The following LYN variants were observed in gnomAD, a reference collection of about 807,000 sequenced individuals.
LYN encodes the protein LYN proto-oncogene, Src family tyrosine kinase.
Under a neutral mutation model 65.0 loss-of-function variants are expected in LYN, and 12 were observed. That is an observed-to-expected ratio of 0.18 (90% CI 0.12 to 0.30). LYN has a LOEUF of 0.30. Among genes scored for constraint, LYN ranks in the 10% least tolerant of loss-of-function variants. The probability of loss-of-function intolerance (pLI) is 1.00; values close to 1 mark genes in which losing one functional copy is unlikely to be tolerated. For missense variants in LYN, 380 were observed against 623.2 expected (o/e 0.61, Z 4.16); for synonymous variants, 222 against 221.2 (o/e 1.00, Z -0.03).
intron 1 of LYN, among the ~76,000 whole-genome samples, chr8:55,915,037 C>T (rs1056212147): frequency 1.3e-5 from 2 of 152,172 alleles, no homozygotes; most frequent in Admixed American, 6.5e-5. Flanking sequence ...TAGATTAAAA[C>T]GTTACATTTT....
chr8:55,919,230 G>A (rs1287096462), intron 1 of LYN, among the ~76,000 whole-genome samples: 1 of 152,120 alleles, frequency 6.6e-6, no homozygotes, highest in African/African-American at 2.4e-5. Flanking sequence ...ACATGTGTGA[G>A]AATCTAAACC....
chr8:55,976,197 C>A (rs1051114525), intron 10 of LYN, among the ~76,000 whole-genome samples: 1 of 151,660 alleles, frequency 6.6e-6, no homozygotes, highest in Admixed American at 6.6e-5. Flanking sequence ...CTTGGTGGTG[C>A]GTGCCTGTAA....
rs147901326 is a variant in LYN at position 55,998,583 on chromosome 8, G to A, written c.1204+84G>A. 866 of 1,320,984 alleles carry A rather than the reference G, an allele frequency of 6.6e-4. 2 individuals carry two copies. The highest frequency in any genetic ancestry group is 6.1e-4 in the Non-Finnish European group (571 of 932,304). 81.8% of individuals were successfully genotyped at this position (1,320,984 alleles called of 1,614,324 possible). A position where few individuals can be genotyped will look rare whatever the true frequency, so the allele number is the denominator to read the frequency against. The stretch of plus-strand genomic sequence containing the variant: ...TGTTTTTGACAAAGCAATTACAATA[G>A]TCACCATTAAGAAAAACTTATTTGG... On this transcript the variant is annotated intron_variant, in intron 11 of 12. Coordinates refer to ENST00000519728, the MANE Select transcript of LYN (RefSeq NM_002350.4).
At chr8:55,885,127 G>A (rs570305047) in intron 1 of LYN, among the ~76,000 whole-genome samples, 10 of 152,282 alleles carry the variant, frequency 6.6e-5, no homozygotes, top group African/African-American at 2.2e-4. Context: ...ACCGTGTATG[G>A]GAAGAGATTG....
intron 1 of LYN, among the ~76,000 whole-genome samples, chr8:55,892,447 A>G (rs1300245612): frequency 2.0e-5 from 3 of 152,190 alleles, no homozygotes; most frequent in Admixed American, 6.5e-5. Context: ...AAAAAGTTGC[A>G]TTAGATGGCT....
chr8:55,903,663 C>G (rs190215539), intron 1 of LYN, among the ~76,000 whole-genome samples: 20 of 152,228 alleles, frequency 1.3e-4, no homozygotes, highest in African/African-American at 4.8e-4. Context: ...TGAGACCTTC[C>G]TTTTGAAAGT....
chr8:55,882,354 T>C (rs561411712), intron 1 of LYN, among the ~76,000 whole-genome samples: 1 of 152,364 alleles, frequency 6.6e-6, no homozygotes, highest in African/African-American at 2.4e-5. Context: ...CTTTTACTTC[T>C]ATCTGCAATA....
intron 8 of LYN, among the ~76,000 whole-genome samples, chr8:55,958,562 T>A (rs1807185190): frequency 6.6e-6 from 1 of 152,232 alleles, no homozygotes; most frequent in African/African-American, 2.4e-5. Flanking sequence ...ATGCAACCAA[T>A]CTCCAGACTC....
chr8:55,914,427 A>G (rs1455494500), intron 1 of LYN, among the ~76,000 whole-genome samples: 1 of 152,086 alleles, frequency 6.6e-6, no homozygotes, highest in East Asian at 1.9e-4. Flanking sequence ...AGAAAAAAGG[A>G]GAAGGCACTT....
chr8:55,960,121 A>G (rs935339576), intron 8 of LYN, among the ~76,000 whole-genome samples: 23 of 152,214 alleles, frequency 1.5e-4, no homozygotes, highest in Admixed American at 5.9e-4. Context: ...TGAATATGCA[A>G]ATAACTGATG....
intron 4 of LYN, among the ~76,000 whole-genome samples, chr8:55,948,381 G>T (rs368881500): frequency 5.3e-5 from 8 of 152,256 alleles, no homozygotes; most frequent in African/African-American, 1.9e-4. Flanking sequence ...CTCATGTTTA[G>T]ACTGGGTTCA....
chr8:55,920,919 A>T (rs1348161905), intron 1 of LYN, among the ~76,000 whole-genome samples: 5 of 151,830 alleles, frequency 3.3e-5, no homozygotes, highest in Non-Finnish European at 7.4e-5. Flanking sequence ...CTGGTCTTGA[A>T]CTCCTGACCT....
chr8:55,881,681 C>G (rs921897684), intron 1 of LYN, among the ~76,000 whole-genome samples: 21 of 152,202 alleles, frequency 1.4e-4, no homozygotes, highest in African/African-American at 4.8e-4. Flanking sequence ...GAGTTTTGGC[C>G]TCTTCCATCA....
At chr8:56,004,778 TTTTA>T (rs147890552) in intron 12 of LYN, among the ~76,000 whole-genome samples, 2,263 of 152,270 alleles carry the variant, frequency 0.015, 56 homozygotes, top group African/African-American at 0.045. Flanking sequence ...GGCCACATAC[TTTTA>T]TTTTTCATTT....
chr8:55,934,344 A>G (rs1389584667), intron 1 of LYN, among the ~76,000 whole-genome samples: 2 of 152,356 alleles, frequency 1.3e-5, no homozygotes, highest in African/African-American at 4.8e-5. Context: ...TCTGTCTTCC[A>G]TCATTACTGT....
At chr8:55,961,786 A>G (rs1310974317) in intron 8 of LYN, among the ~76,000 whole-genome samples, 1 of 152,114 alleles carries the variant, frequency 6.6e-6, no homozygotes, top group East Asian at 1.9e-4. Context: ...CAAATATCTA[A>G]TTTCACAAAT....
At chr8:55,883,612 C>T (rs988734640) in intron 1 of LYN, among the ~76,000 whole-genome samples, 3 of 152,180 alleles carry the variant, frequency 2.0e-5, no homozygotes, top group African/African-American at 4.8e-5. Flanking sequence ...GGACTTTCCC[C>T]GACCTGTGCT....
At position 55,911,280 on chromosome 8, in the gene LYN, TATA is replaced by T. The variant is rs1477869562; in HGVS notation, c.-5-30574_-5-30572del. On this transcript the variant is annotated intron_variant, in intron 1 of 12. Coordinates refer to ENST00000519728, the MANE Select transcript of LYN (RefSeq NM_002350.4). ...GTGTATATATATATATATATATATA[TATA>T]TATTTTTTTTTTTTTTTTAGTAGAG... is the stretch of plus-strand genomic sequence containing the variant. 3.5e-3 allele frequency among the ~76,000 whole-genome samples: 170 copies of T among 48,326 alleles called. 15 individuals carry two copies. The highest frequency in any genetic ancestry group is 0.014 in the African/African-American group (153 of 11,082). The allele number at this position is 48,326 out of a possible 152,430, so 31.7% of individuals were successfully genotyped here. A position where few individuals can be genotyped will look rare whatever the true frequency, so the allele number is the denominator to read the frequency against.
intron 6 of LYN, 33 bp downstream of exon 6, chr8:55,950,817 C>G: frequency 7.0e-7 from 1 of 1,420,988 alleles, no homozygotes; most frequent in Non-Finnish European, 1.0e-6. Flanking sequence ...TTTTAAAACA[C>G]TATTTAGGAA....
Sources: allele counts gnomAD v4.1 joint callset (sites outside exome capture counted in the v4.1 genomes callset), GRCh38; gene constraint gnomAD v4.1.1; transcripts MANE v1.5; gene names NCBI Gene and HGNC (gene_info 2026-07-23, HGNC 2026-07-21).